ZFAT: variants seen among roughly 807,000 people sequenced by gnomAD.
ZFAT encodes the protein zinc finger protein ZFAT.
A neutral mutation model predicts 117.7 loss-of-function variants in ZFAT; 64 were observed. The ratio of observed to expected loss-of-function variants is 0.54; its 90% CI spans 0.44 to 0.67. ZFAT has a LOEUF of 0.67. ZFAT is among the 30% of genes least tolerant of loss of function. ZFAT has a pLI of 0.00. For synonymous variants in ZFAT, 679 were observed against 615.0 expected (o/e 1.10, Z -1.54); for missense variants, 1,433 against 1,584.5 (o/e 0.90, Z 1.62).
intron 1 of ZFAT, among the ~76,000 whole-genome samples, chr8:134,688,582 C>G (rs370783584): frequency 2.0e-5 from 3 of 152,180 alleles, no homozygotes; most frequent in Non-Finnish European, 4.4e-5. Flanking sequence ...GGAGCCAGGA[C>G]TTGGGTTTCC....
the ZFAT span, among the ~76,000 whole-genome samples, chr8:134,757,922 A>T: frequency 2.0e-5 from 3 of 152,172 alleles, no homozygotes; most frequent in African/African-American, 7.2e-5. Context: ...CTGCAAGCTC[A>T]ACAGAGATCG....
At chr8:134,824,397 G>A in the ZFAT span, among the ~76,000 whole-genome samples, 305 of 152,294 alleles carry the variant, frequency 2.0e-3, 6 homozygotes, top group Admixed American at 0.019. Context: ...CAAGTGATAA[G>A]AGCAAATATG....
chr8:134,544,914 C>T (rs1822575368), intron 11 of ZFAT, among the ~76,000 whole-genome samples: 1 of 152,140 alleles, frequency 6.6e-6, no homozygotes, highest in South Asian at 2.1e-4. Flanking sequence ...AAAGCTGAAG[C>T]TGTGCATCCC....
intron 10 of ZFAT, among the ~76,000 whole-genome samples, chr8:134,579,136 A>T (rs760959668): frequency 8.5e-5 from 13 of 152,178 alleles, no homozygotes; most frequent in Non-Finnish European, 1.8e-4. Context: ...TGAGCACGCT[A>T]AGCTTGGGGG....
intron 3 of ZFAT, among the ~76,000 whole-genome samples, chr8:134,630,113 A>G (rs1829784104): frequency 6.6e-6 from 1 of 152,242 alleles, no homozygotes; most frequent in Non-Finnish European, 1.5e-5. Context: ...GGACAGTGAC[A>G]TGATAGGCAG....
intron 11 of ZFAT, among the ~76,000 whole-genome samples, chr8:134,554,913 A>T (rs2130719026): frequency 6.6e-6 from 1 of 152,340 alleles, no homozygotes. Context: ...AGAGTTGTTC[A>T]GAGCCCAGAC....
chr8:134,814,255 AAATAAAATACAGT>A, the ZFAT span, among the ~76,000 whole-genome samples: 2 of 152,358 alleles, frequency 1.3e-5, no homozygotes, highest in African/African-American at 4.8e-5. Context: ...CTATACTTCA[AAATAAAATACAGT>A]AAAAGGAGCC....
the ZFAT span, among the ~76,000 whole-genome samples, chr8:134,745,010 T>TG: frequency 8.7e-5 from 13 of 150,280 alleles, no homozygotes; most frequent in South Asian, 6.4e-4. Flanking sequence ...ATTACAGGCG[T>TG]AGCCACCGCG....
At chr8:134,584,711 T>C (rs980430293) in intron 9 of ZFAT, among the ~76,000 whole-genome samples, 1 of 151,632 alleles carries the variant, frequency 6.6e-6, no homozygotes, top group African/African-American at 2.4e-5. Flanking sequence ...CAGCCTTCAC[T>C]GTCCGGTGGG....
intron 9 of ZFAT, among the ~76,000 whole-genome samples, chr8:134,586,703 G>C (rs941825564): frequency 6.6e-6 from 1 of 152,138 alleles, no homozygotes; most frequent in African/African-American, 2.4e-5. Context: ...GAAACAACAC[G>C]TGTATATACA....
intron 1 of ZFAT, among the ~76,000 whole-genome samples, chr8:134,679,525 GT>G (rs1322677185): frequency 6.6e-6 from 1 of 152,230 alleles, no homozygotes; most frequent in Non-Finnish European, 1.5e-5. Context: ...GGAAGACGGT[GT>G]GGCGATTCCT....
chr8:134,772,810 C>A, the ZFAT span, among the ~76,000 whole-genome samples: 13 of 152,140 alleles, frequency 8.5e-5, no homozygotes. Context: ...CCTGTAATCT[C>A]AGTGTTTTGG....
intron 1 of ZFAT, among the ~76,000 whole-genome samples, chr8:134,682,767 G>A (rs922641078): frequency 8.5e-5 from 13 of 152,138 alleles, no homozygotes; most frequent in African/African-American, 3.1e-4. Flanking sequence ...AGAGAGCCTG[G>A]CTCCCAACCT....
chr8:134,713,240 G>C (rs2131376626), upstream of ZFAT, among the ~76,000 whole-genome samples: 1 of 152,340 alleles, frequency 6.6e-6, no homozygotes, highest in South Asian at 2.1e-4. Context: ...GGGAGGTCCG[G>C]AGCGCGGATC....
At chr8:134,737,182 A>G in the ZFAT span, among the ~76,000 whole-genome samples, 1 of 152,160 alleles carries the variant, frequency 6.6e-6, no homozygotes, top group Admixed American at 6.6e-5. Flanking sequence ...CAGGAGGCTG[A>G]GGCAGGAGAA....
intron 11 of ZFAT, among the ~76,000 whole-genome samples, chr8:134,548,185 C>T (rs1392939737): frequency 6.6e-6 from 1 of 152,224 alleles, no homozygotes; most frequent in Non-Finnish European, 1.5e-5. Flanking sequence ...TTAAGCACTG[C>T]ATAGGTGCTG....
chr8:134,806,323 C>A, the ZFAT span, among the ~76,000 whole-genome samples: 1 of 152,168 alleles, frequency 6.6e-6, no homozygotes, highest in Non-Finnish European at 1.5e-5. Flanking sequence ...TAACTCTACC[C>A]ATTATATAAA....
At chr8:134,599,700 A>C (rs1457028863) in intron 7 of ZFAT, 4 of 439,542 alleles carry the variant, frequency 9.1e-6, no homozygotes, top group African/African-American at 2.1e-5. Context: ...CTGTAGCATA[A>C]AAAGGCATTC....
Position 134,613,102 on chromosome 8 carries a change from T to C in ZFAT, c.449-2447A>G, listed in dbSNP as rs181261659. Among the ~76,000 whole-genome samples the C allele has an allele frequency of 7.9e-5, 12 of 152,326 alleles. No individual in the cohort carries two copies. The East Asian group carries it at 1.5e-3, about 20-fold the overall frequency. ...CTATAAAAAGGTAGAAACAACATTTTACAGAATTTTTTGCTTTTAAAATGA... is the reference window on the plus strand; with the variant it reads ...CTATAAAAAGGTAGAAACAACATTTCACAGAATTTTTTGCTTTTAAAATGA... On this transcript the variant is annotated intron_variant, in intron 3 of 15. Coordinates refer to ENST00000377838, the MANE Select transcript of ZFAT (RefSeq NM_020863.4).
Sources: allele counts gnomAD v4.1 joint callset (sites outside exome capture counted in the v4.1 genomes callset), GRCh38; gene constraint gnomAD v4.1.1; transcripts MANE v1.5; gene names NCBI Gene and HGNC (gene_info 2026-07-23, HGNC 2026-07-21).